The following CABIN1 variants were observed in gnomAD, a reference collection of about 807,000 sequenced individuals.
CABIN1 encodes calcineurin binding protein 1.
Under a neutral mutation model 227.7 loss-of-function variants are expected in CABIN1, and 133 were observed. The ratio of observed to expected loss-of-function variants is 0.58; its 90% CI spans 0.51 to 0.67. CABIN1 has a LOEUF of 0.67. Among genes scored for constraint, CABIN1 ranks in the 30% least tolerant of loss-of-function variants. The pLI is 0.00. For synonymous variants in CABIN1, 1,086 were observed against 1,155.1 expected (o/e 0.94, Z 1.21); for missense variants, 2,408 against 2,852.5 (o/e 0.84, Z 3.55).
At chr22:24,061,889 C>A (rs1357704801) in intron 12 of CABIN1, 58 bp from the exon 13 acceptor site, 7 of 1,262,300 alleles carry the variant, frequency 5.5e-6, no homozygotes, top group Non-Finnish European at 2.3e-6. Flanking sequence ...CCCCTACCCC[C>A]CACACTGTGA....
intron 26 of CABIN1, among the ~76,000 whole-genome samples, chr22:24,101,081 G>A (rs941877688): frequency 6.6e-6 from 1 of 152,184 alleles, no homozygotes; most frequent in Non-Finnish European, 1.5e-5. Context: ...GAGTGGGCTT[G>A]GGCATGGGGC....
At chr22:24,113,502 G>C in intron 26 of CABIN1, 64 bp from the exon 27 acceptor site, 1 of 1,454,862 alleles carries the variant, frequency 6.9e-7, no homozygotes, top group Non-Finnish European at 9.6e-7. Context: ...CCATAGGAAG[G>C]CCCCCTGTGT....
chr22:24,174,622 G>A (rs2047005831), intron 34 of CABIN1, among the ~76,000 whole-genome samples: 1 of 152,130 alleles, frequency 6.6e-6, no homozygotes, highest in Non-Finnish European at 1.5e-5. Flanking sequence ...GCTTTGTGGG[G>A]TAAAGTTGGC....
chr22:24,147,816 T>A (rs1222662203), intron 29 of CABIN1, among the ~76,000 whole-genome samples: 1 of 152,194 alleles, frequency 6.6e-6, no homozygotes, highest in East Asian at 1.9e-4. Flanking sequence ...ACATGCTTTG[T>A]CCTCGTAGGA....
At chr22:24,052,539 C>G (rs532638634) in intron 8 of CABIN1, among the ~76,000 whole-genome samples, 3 of 151,352 alleles carry the variant, frequency 2.0e-5, no homozygotes, top group African/African-American at 7.3e-5. Context: ...GCCTATAATC[C>G]CAGTACTTTG....
intron 1 of CABIN1, among the ~76,000 whole-genome samples, chr22:24,033,203 TTGTC>T (rs1316020358): frequency 5.9e-5 from 9 of 152,312 alleles, no homozygotes; most frequent in South Asian, 4.1e-4. Context: ...TGAGTCTTCT[TTGTC>T]TGTGAGAAAG....
intron 24 of CABIN1, among the ~76,000 whole-genome samples, chr22:24,093,088 A>G (rs766063758): frequency 2.0e-5 from 3 of 152,128 alleles, no homozygotes; most frequent in East Asian, 1.9e-4. Flanking sequence ...CATCATGAGT[A>G]TTTCCAAGGA....
At chr22:24,074,261 T>C (rs1161174801) in intron 18 of CABIN1, among the ~76,000 whole-genome samples, 2 of 151,888 alleles carry the variant, frequency 1.3e-5, no homozygotes, top group East Asian at 3.9e-4. Flanking sequence ...TGCCAGCAAG[T>C]AAATGCGGAT....
intron 1 of CABIN1, among the ~76,000 whole-genome samples, chr22:24,032,450 T>C (rs1182809836): frequency 6.6e-6 from 1 of 152,218 alleles, no homozygotes; most frequent in African/African-American, 2.4e-5. Context: ...TGAACATGAG[T>C]GTACAAGTGT....
intron 15 of CABIN1, among the ~76,000 whole-genome samples, chr22:24,064,585 AG>A (rs2039464966): frequency 7.3e-6 from 1 of 136,682 alleles, no homozygotes; most frequent in African/African-American, 2.8e-5. Context: ...GCAGGGTCAT[AG>A]GACAATAGTG....
At chr22:24,125,013 C>T (rs1315006246) in intron 28 of CABIN1, among the ~76,000 whole-genome samples, 2 of 152,130 alleles carry the variant, frequency 1.3e-5, no homozygotes, top group South Asian at 2.1e-4. Context: ...GGGGGAAATT[C>T]GGTCACATCA....
chr22:24,100,869 A>T (rs1460355161), intron 26 of CABIN1, among the ~76,000 whole-genome samples: 3 of 152,222 alleles, frequency 2.0e-5, no homozygotes, highest in African/African-American at 7.2e-5. Flanking sequence ...TATTAAACAA[A>T]AGTGCTTGTA....
chr22:24,114,199 G>A (rs1003567614), intron 27 of CABIN1, among the ~76,000 whole-genome samples: 2 of 152,098 alleles, frequency 1.3e-5, no homozygotes, highest in African/African-American at 4.8e-5. Flanking sequence ...TTTTGGGGAG[G>A]GGGGCAGAGA....
chr22:24,048,948 C>G (rs575499947), intron 6 of CABIN1, 143 bp from the exon 7 acceptor site: 1 of 953,730 alleles, frequency 1.0e-6, no homozygotes, highest in Non-Finnish European at 1.6e-6. Flanking sequence ...ACTAACCTGA[C>G]TGAATTAGTT....
Position 24,042,817 on chromosome 22 carries a change from A to AGT in CABIN1, c.346-87_346-86insGT, listed in dbSNP as rs1601747692. 9.5e-5 allele frequency: 55 copies of AGT among 577,628 alleles called. No homozygotes were observed. The African/African-American group carries it at 1.9e-3, about 20-fold the overall frequency. The allele number at this position is 577,628 out of a possible 1,614,324, so 35.8% of individuals were successfully genotyped here. On this transcript the variant is annotated intron_variant, in intron 5 of 36. Transcript: ENST00000263119. ...GGGTGCATATTCAAGGAGAGATCTG[A>AGT]CTGTGTGTGTGTGTGTGTGTGTGTG... is the stretch of plus-strand genomic sequence containing the variant.
At position 24,075,299 on chromosome 22, in the gene CABIN1, T is replaced by A. The variant is rs1157493177; in HGVS notation, c.2633-870T>A. Among the ~76,000 whole-genome samples the A allele has an allele frequency of 2.0e-5, 3 of 152,264 alleles. No homozygotes were observed. The East Asian group carries it at 5.8e-4, about 29-fold the overall frequency. On this transcript the variant is annotated intron_variant, in intron 18 of 36. Transcript: ENST00000263119. ...TCCTGATCCACTCTAAAAATGCTAGTTATAAGTCGTTAATGGGTTATGGCC... is the reference window on the plus strand; with the variant it reads ...TCCTGATCCACTCTAAAAATGCTAGATATAAGTCGTTAATGGGTTATGGCC...
At chr22:24,097,642 G>A (rs929277312) in intron 25 of CABIN1, among the ~76,000 whole-genome samples, 2 of 152,212 alleles carry the variant, frequency 1.3e-5, no homozygotes, top group African/African-American at 4.8e-5. Flanking sequence ...ATGTGTTTCT[G>A]TCTGCCCATT....
intron 32 of CABIN1, 80 bp from the exon 33 acceptor site, chr22:24,168,367 G>A: frequency 7.1e-7 from 1 of 1,407,472 alleles, no homozygotes; most frequent in Non-Finnish European, 9.8e-7. Flanking sequence ...AGGCTGGTCT[G>A]TGCTACATAC....
chr22:24,126,967 C>T (rs573864530), intron 28 of CABIN1, among the ~76,000 whole-genome samples: 1 of 150,992 alleles, frequency 6.6e-6, no homozygotes, highest in Non-Finnish European at 1.5e-5. Context: ...CCACTGCCCT[C>T]CAGCCTGGGT....
Sources: gnomAD v4.1 joint callset for allele counts (sites outside exome capture counted in the v4.1 genomes callset) on GRCh38, gnomAD v4.1.1 for gene constraint, MANE v1.5 for transcripts, NCBI Gene and HGNC (gene_info 2026-07-23, HGNC 2026-07-21) for gene names.